BRD3: variants seen among roughly 807,000 people sequenced by gnomAD.
The protein encoded by BRD3 is bromodomain containing 3.
Under a neutral mutation model 66.8 loss-of-function variants are expected in BRD3, and 17 were observed. The ratio of observed to expected loss-of-function variants is 0.25; its 90% confidence interval spans 0.17 to 0.38. The LOEUF (loss-of-function observed/expected upper bound fraction) is 0.38, where lower values mean the gene tolerates loss of function less well. Ranked by LOEUF, BRD3 falls within the 10% of genes least tolerant of loss-of-function variation. The pLI is 1.00. For synonymous variants in BRD3, 421 were observed against 393.2 expected (o/e 1.07, Z -0.84); for missense variants, 713 against 956.1 (o/e 0.75, Z 3.35).
intron 8 of BRD3, 141 bp from the exon 9 acceptor site, chr9:134,040,410 G>T: frequency 1.1e-6 from 1 of 888,006 alleles, no homozygotes; most frequent in Non-Finnish European, 1.7e-6. Context: ...GAGCACCTGG[G>T]CCCTGCTCTG....
At chr9:134,055,015 C>T (rs1179818517) in intron 1 of BRD3, among the ~76,000 whole-genome samples, 3 of 152,182 alleles carry the variant, frequency 2.0e-5, no homozygotes, top group Non-Finnish European at 4.4e-5. Context: ...CCCCTCACAC[C>T]CACCCTCTTC....
At chr9:134,066,166 C>T (rs1830647416) in intron 1 of BRD3, among the ~76,000 whole-genome samples, 1 of 152,182 alleles carries the variant, frequency 6.6e-6, no homozygotes, top group African/African-American at 2.4e-5. Flanking sequence ...GCTGGAGCTG[C>T]TCCCACAGTC....
Position 134,031,374 on chromosome 9 carries a change from C to G in BRD3, c.*2216G>C. On this transcript the variant is annotated 3_prime_UTR_variant, in exon 12 of 12. Transcript: ENST00000303407. ...CCCCCGGCTTAGGGTGTACGTATCA[C>G]CCAGCCCTGTGCTGGCAGCACGTTA... 4.8e-6 allele frequency: 1 copy of G among 208,444 alleles called. No homozygotes were observed. The highest frequency in any genetic ancestry group is 5.9e-5 in the Admixed American group (1 of 16,864). 12.9% of individuals were successfully genotyped at this position (208,444 alleles called of 1,614,324 possible). A position where few individuals can be genotyped will look rare whatever the true frequency, so the allele number is the denominator to read the frequency against.
chr9:134,058,388 T>C (rs1830469337), intron 1 of BRD3: 3 of 152,284 alleles, frequency 2.0e-5, no homozygotes, highest in African/African-American at 2.4e-5. Flanking sequence ...ATTGGGAGTG[T>C]GGCTGGCAGT....
chr9:134,053,580 C>T lies in BRD3; in HGVS notation c.-103G>A. The T allele has an allele frequency of 1.4e-6, 2 of 1,447,504 alleles. No homozygotes were observed. The highest frequency in any genetic ancestry group is 1.8e-6 in the Non-Finnish European group (2 of 1,103,710). The allele number at this position is 1,447,504 out of a possible 1,614,324, so 89.7% of individuals were successfully genotyped here. A position where few individuals can be genotyped will look rare whatever the true frequency, so the allele number is the denominator to read the frequency against. ...CGCGACGTCCCATTTCCGGGCCCAA[C>T]CAGGCGACAGCTGCAGAGGAGGAAG... On this transcript the variant is annotated 5_prime_UTR_variant, in exon 2 of 12. An upstream open reading frame in the 5' UTR gains an earlier in-frame stop. Coordinates refer to ENST00000303407, the MANE Select transcript of BRD3 (RefSeq NM_007371.4).
intron 1 of BRD3, among the ~76,000 whole-genome samples, chr9:134,063,926 TAAC>T (rs931135937): frequency 8.9e-4 from 135 of 152,296 alleles, no homozygotes; most frequent in African/African-American, 3.2e-3. Flanking sequence ...AATACCGGAT[TAAC>T]TTCTGACGAA....
intron 1 of BRD3, chr9:134,057,348 G>C (rs992392373): frequency 2.0e-5 from 3 of 152,266 alleles, no homozygotes; most frequent in Admixed American, 2.0e-4. Context: ...CAGCCACCCT[G>C]TTGCAGAGTG....
At chr9:134,052,082 G>A (rs1039434823) in intron 3 of BRD3, among the ~76,000 whole-genome samples, 1 of 151,900 alleles carries the variant, frequency 6.6e-6, no homozygotes, top group Non-Finnish European at 1.5e-5. Context: ...TAGTAGAGAC[G>A]GGGTTTCACC....
Position 134,040,162 on chromosome 9 carries a change from CTCCTTG to C in BRD3, c.1509_1514del (p.Asp503_Lys504del), listed in dbSNP as rs778840580. ...TCACTTTGTGCTTCTCCTTCTCCTT[CTCCTTG>C]TCCTTCTTCTTCTTCTCCTTCTCCT... On this transcript the variant is annotated inframe_deletion, in exon 9 of 12. Coordinates refer to ENST00000303407, the MANE Select transcript of BRD3 (RefSeq NM_007371.4). 7 of 1,562,570 alleles carry C rather than the reference CTCCTTG, an allele frequency of 4.5e-6. No individual in the cohort carries two copies. Among genetic ancestry groups the C allele is most frequent in the South Asian group, 2.3e-5 (2 of 85,156 alleles).
intron 1 of BRD3, chr9:134,056,663 C>T (rs1344061198): frequency 1.3e-5 from 2 of 152,404 alleles, no homozygotes; most frequent in African/African-American, 4.8e-5. Flanking sequence ...CTGGGACCCA[C>T]CACCTGGCAA....
Position 134,036,734 on chromosome 9 carries a change from C to A in BRD3, c.1644-410G>T, listed in dbSNP as rs1378253520. 1.6e-5 allele frequency: 13 copies of A among 801,676 alleles called. No homozygotes were observed. In the South Asian group the frequency reaches 2.1e-4, roughly 13 times the overall value. The allele number at this position is 801,676 out of a possible 1,614,324, so 49.7% of individuals were successfully genotyped here. ...GAAATATAAACGGTCTAGGGCCGGG[C>A]GCGGTGGCTCACGCCTGTAATCCCA... On this transcript the variant is annotated intron_variant, in intron 9 of 11. Coordinates refer to ENST00000303407, the MANE Select transcript of BRD3 (RefSeq NM_007371.4).
intron 7 of BRD3, among the ~76,000 whole-genome samples, chr9:134,042,178 C>T (rs1220707708): frequency 6.6e-6 from 1 of 152,160 alleles, no homozygotes; most frequent in Admixed American, 6.5e-5. Context: ...GAAGAGGGGA[C>T]ACAGGAGCTG....
At position 134,048,299 on chromosome 9, in the gene BRD3, C is replaced by T; in HGVS notation, c.870G>A (p.Lys290=). 1 of 1,603,472 alleles carries T rather than the reference C, an allele frequency of 6.2e-7. No homozygotes were observed. Among genetic ancestry groups the T allele is most frequent in the Admixed American group, 1.7e-5 (1 of 59,934 alleles). The part of the protein sequence containing the change: ...ESGGRPIKPP[K]KDLEDGEVPQ... ...GCACCTCGCCGTCCTCCAGGTCCTT[C>T]TTGGGAGGCTTGATGGGGCGGCCAC... Residue 290 remains lysine (K), a synonymous_variant, in exon 6 of 12, where the codon AAG becomes AAA. Transcript: ENST00000303407.
At chr9:134,067,065 T>C (rs2506716) in intron 1 of BRD3, among the ~76,000 whole-genome samples, 50,957 of 152,118 alleles carry the variant, frequency 0.33, 8,798 homozygotes, top group East Asian at 0.54. Context: ...ACCAGGGCCA[T>C]GTGGGTGTAC....
chr9:134,051,824 G>A lies in BRD3; in HGVS notation c.352-115C>T, dbSNP rs548825982. The A allele has an allele frequency of 1.1e-5, 13 of 1,139,118 alleles. No homozygotes were observed. The Admixed American group carries it at 1.9e-4, about 16-fold the overall frequency. 70.6% of individuals were successfully genotyped at this position (1,139,118 alleles called of 1,614,324 possible). ...AAAATTTGTTAACAGATTTGGCAGCGCAGGAGAGAACAAAATGAATATATG... is the reference window on the plus strand; with the variant it reads ...AAAATTTGTTAACAGATTTGGCAGCACAGGAGAGAACAAAATGAATATATG... On this transcript the variant is annotated intron_variant, in intron 3 of 11. Transcript: ENST00000303407.
intron 10 of BRD3, among the ~76,000 whole-genome samples, chr9:134,035,088 CAG>C (rs540744667): frequency 1.6e-4 from 25 of 152,346 alleles, no homozygotes; most frequent in Admixed American, 5.9e-4. Context: ...CCTAAGGTGA[CAG>C]AGGCCATTCC....
rs1564549243 is a variant in BRD3, at chr9:134,040,194, T to C, written c.1483A>G (p.Lys495Glu). ...VNKPKKKKEK[K>E]EKEKKKKDKE... ...TCCTTCTTCTTCTTCTCCTTCTCCT[T>C]CTTCTCCTTCTTCTTCTTTGGTTTG... Residue 495 changes from lysine (K) to glutamate (E), a missense_variant, in exon 9 of 12, where the codon AAG becomes GAG. Around this residue, in one of 5 missense-constraint regions of BRD3, gnomAD observed 418 missense variants for 609.3 expected, o/e 0.69. Coordinates refer to ENST00000303407, the MANE Select transcript of BRD3 (RefSeq NM_007371.4). The C allele has an allele frequency of 1.9e-6, 3 of 1,573,690 alleles. No individual in the cohort carries two copies. The highest frequency in any genetic ancestry group is 1.9e-5 in the Admixed American group (1 of 53,756).
intron 9 of BRD3, among the ~76,000 whole-genome samples, chr9:134,036,883 C>T (rs1375784227): frequency 2.6e-5 from 4 of 152,046 alleles, no homozygotes; most frequent in Admixed American, 2.6e-4. Flanking sequence ...TGGTGGCGGG[C>T]ACCTGTAGTC....
Position 134,050,491 on chromosome 9 carries a change from G to A in BRD3, c.597C>T (p.Thr199=), listed in dbSNP as rs774302763. Residue 199 remains threonine, a synonymous_variant, in exon 5 of 12, where the codon ACC becomes ACT. Coordinates refer to ENST00000303407, the MANE Select transcript of BRD3 (RefSeq NM_007371.4). ...TVSQTPVIAA[T]PVPTITANVT... ...CGTTTGCAGTGATGGTTGGTACAGG[G>A]GTGGCAGCGATGACGGGCGTCTGGG... is the stretch of plus-strand genomic sequence containing the variant. 8.1e-6 allele frequency: 13 copies of A among 1,610,136 alleles called. No homozygotes were observed. In the Admixed American group the frequency reaches 1.8e-4, roughly 23 times the overall value.
Sources: allele counts gnomAD v4.1 joint callset (sites outside exome capture counted in the v4.1 genomes callset), GRCh38; gene constraint gnomAD v4.1.1; regional missense constraint gnomAD v4.1.1; transcripts MANE v1.5; gene names NCBI Gene and HGNC (gene_info 2026-07-23, HGNC 2026-07-21).